PLCB1: variants seen among roughly 807,000 people sequenced by gnomAD.
PLCB1 encodes 1-phosphatidylinositol 4,5-bisphosphate phosphodiesterase beta-1.
A neutral mutation model predicts 161.8 loss-of-function variants in PLCB1; 46 were observed. The ratio of observed to expected loss-of-function variants is 0.28; its 90% CI spans 0.22 to 0.36. The LOEUF (loss-of-function observed/expected upper bound fraction) is 0.36, where lower values mean the gene tolerates loss of function less well. Ranked by LOEUF, PLCB1 falls within the 10% of genes least tolerant of loss-of-function variation. PLCB1 has a pLI of 1.00. For synonymous variants in PLCB1, 517 were observed against 503.7 expected, an observed-to-expected ratio of 1.03 and a Z score of -0.35; for missense variants, 1,016 against 1,472.5, an observed-to-expected ratio of 0.69 and a Z score of 5.07.
At chr20:8,219,967 T>C (rs940004865) in intron 2 of PLCB1, among the ~76,000 whole-genome samples, 2 of 152,158 alleles carry the variant, frequency 1.3e-5, no homozygotes, top group African/African-American at 2.4e-5. Flanking sequence ...TTTGAATATC[T>C]TTGTGCTCTT....
chr20:8,214,782 G>T (rs1009602146), intron 2 of PLCB1, among the ~76,000 whole-genome samples: 2 of 152,016 alleles, frequency 1.3e-5, no homozygotes, highest in Admixed American at 6.6e-5. Context: ...CGTGGAGTTT[G>T]GGATGATAGT....
chr20:8,651,046 T>G (rs1989305301), intron 7 of PLCB1, among the ~76,000 whole-genome samples: 1 of 152,208 alleles, frequency 6.6e-6, no homozygotes. Context: ...GGCTCTAAAA[T>G]GATTTGTTAC....
chr20:8,405,081 C>A (rs1263825696), intron 3 of PLCB1, among the ~76,000 whole-genome samples: 8 of 152,128 alleles, frequency 5.3e-5, no homozygotes, highest in Non-Finnish European at 7.4e-5. Flanking sequence ...CTCTAACAAA[C>A]CTTCCCAAAA....
chr20:8,569,421 A>G (rs1371518486), intron 3 of PLCB1, among the ~76,000 whole-genome samples: 1 of 152,232 alleles, frequency 6.6e-6, no homozygotes, highest in African/African-American at 2.4e-5. Context: ...ATTTTTATAA[A>G]ACTGTGATAA....
chr20:8,325,184 T>C (rs1329911270), intron 2 of PLCB1, among the ~76,000 whole-genome samples: 1 of 152,086 alleles, frequency 6.6e-6, no homozygotes, highest in African/African-American at 2.4e-5. Context: ...ATAGCACTGG[T>C]TTTTCTTGGT....
Position 8,620,867 on chromosome 20 carries a change from C to T in PLCB1, c.247-7427C>T, listed in dbSNP as rs191833644. ...TGGATTTTCTTAACAAAGGGAACATCGTGTTTGTCATTATTAATAAATTGT... is the reference window on the plus strand; with the variant it reads ...TGGATTTTCTTAACAAAGGGAACATTGTGTTTGTCATTATTAATAAATTGT... On this transcript the variant is annotated intron_variant, in intron 3 of 31. Transcript: ENST00000338037. 4.4e-3 allele frequency among the ~76,000 whole-genome samples: 669 copies of T among 151,778 alleles called. 2 individuals are homozygous for T. The highest frequency in any genetic ancestry group is 0.014 in the African/African-American group (573 of 41,330).
intron 3 of PLCB1, among the ~76,000 whole-genome samples, chr20:8,465,365 T>C (rs534279106): frequency 3.9e-5 from 6 of 152,216 alleles, no homozygotes; most frequent in East Asian, 3.9e-4. Context: ...GAAATCTCTT[T>C]GGAGATTTTT....
chr20:8,181,040 C>T (rs1204860949), intron 2 of PLCB1, among the ~76,000 whole-genome samples: 1 of 151,384 alleles, frequency 6.6e-6, no homozygotes, highest in Non-Finnish European at 1.5e-5. Context: ...TACCTGAGGT[C>T]AGGAGTTCGA....
chr20:8,751,246 A>C (rs1568584928), intron 23 of PLCB1: 2 of 182,708 alleles, frequency 1.1e-5, no homozygotes, highest in Non-Finnish European at 2.3e-5. Context: ...GCCCGGCCGG[A>C]ACTGCACTCT....
intron 25 of PLCB1, among the ~76,000 whole-genome samples, chr20:8,763,351 G>A (rs1420227950): frequency 2.0e-5 from 3 of 151,984 alleles, no homozygotes; most frequent in Admixed American, 6.6e-5. Flanking sequence ...ACAGGTGCCT[G>A]CCACCACACC....
chr20:8,677,796 CAGGTGTAAAG>C (rs1195717739), intron 9 of PLCB1, among the ~76,000 whole-genome samples: 12 of 152,094 alleles, frequency 7.9e-5, no homozygotes, highest in African/African-American at 2.9e-4. Context: ...ATCAAGTGTG[CAGGTGTAAAG>C]AAGTCATTTT....
chr20:8,551,477 C>T (rs1985773621), intron 3 of PLCB1, among the ~76,000 whole-genome samples: 1 of 152,186 alleles, frequency 6.6e-6, no homozygotes, highest in South Asian at 2.1e-4. Flanking sequence ...CAGATATGTT[C>T]TTCGAAGGGT....
At chr20:8,264,688 A>G (rs1445697202) in intron 2 of PLCB1, among the ~76,000 whole-genome samples, 1 of 152,034 alleles carries the variant, frequency 6.6e-6, no homozygotes, top group Non-Finnish European at 1.5e-5. Flanking sequence ...GCAGTCTCTC[A>G]TGGACTGAAA....
intron 3 of PLCB1, among the ~76,000 whole-genome samples, chr20:8,401,010 A>G (rs557557362): frequency 6.6e-6 from 1 of 152,332 alleles, no homozygotes; most frequent in Non-Finnish European, 1.5e-5. Context: ...TCCACCAACA[A>G]CAATCAAGAT....
chr20:8,300,016 G>T (rs903286513), intron 2 of PLCB1, among the ~76,000 whole-genome samples: 1 of 152,156 alleles, frequency 6.6e-6, no homozygotes, highest in African/African-American at 2.4e-5. Context: ...TGTCACATTT[G>T]AGTGGGTGGG....
intron 3 of PLCB1, among the ~76,000 whole-genome samples, chr20:8,473,045 G>A (rs1056512928): frequency 3.3e-5 from 5 of 152,026 alleles, no homozygotes; most frequent in Non-Finnish European, 5.9e-5. Flanking sequence ...GAGTATGGAC[G>A]GTCACCAGTG....
At chr20:8,789,481 G>T in intron 29 of PLCB1, 37 bp from the exon 30 acceptor site, 1 of 1,327,838 alleles carries the variant, frequency 7.5e-7, no homozygotes, top group South Asian at 1.2e-5. Flanking sequence ...AATTCTGGAT[G>T]AATTGGTATA....
intron 3 of PLCB1, among the ~76,000 whole-genome samples, chr20:8,575,570 G>C (rs1986650725): frequency 6.6e-6 from 1 of 152,214 alleles, no homozygotes; most frequent in African/African-American, 2.4e-5. Context: ...TTTATTTAGA[G>C]ATGAATTCCC....
intron 10 of PLCB1, among the ~76,000 whole-genome samples, chr20:8,685,964 T>C (rs942207593): frequency 2.0e-5 from 3 of 152,124 alleles, no homozygotes; most frequent in Non-Finnish European, 2.9e-5. Context: ...AATGCATAAA[T>C]TAAGTACCTA....
Sources: gnomAD v4.1 joint callset for allele counts (sites outside exome capture counted in the v4.1 genomes callset) on GRCh38, gnomAD v4.1.1 for gene constraint, MANE v1.5 for transcripts, NCBI Gene and HGNC (gene_info 2026-07-23, HGNC 2026-07-21) for gene names.